The following SLC2A9 variants were observed in gnomAD, a reference collection of about 807,000 sequenced individuals.
The protein encoded by SLC2A9 is solute carrier family 2 member 9.
A neutral mutation model predicts 50.6 loss-of-function variants in SLC2A9; 39 were observed. The observed-to-expected ratio is 0.77, with a 90% CI of 0.60 to 1.01. SLC2A9 has a LOEUF of 1.01. Among genes scored for constraint, SLC2A9 ranks in the 50% least tolerant of loss-of-function variants. The probability of loss-of-function intolerance (pLI) is 0.00; values close to 1 mark genes in which losing one functional copy is unlikely to be tolerated. For synonymous variants in SLC2A9, 324 were observed against 276.9 expected, an observed-to-expected ratio of 1.17 and a Z score of -1.69; for missense variants, 686 against 677.6, an observed-to-expected ratio of 1.01 and a Z score of -0.14.
At chr4:9,787,689 C>T (rs537690112) in intron 3 of SLC2A9, among the ~76,000 whole-genome samples, 1 of 152,320 alleles carries the variant, frequency 6.6e-6, no homozygotes, top group Admixed American at 6.5e-5. Flanking sequence ...GCTGCTTTGT[C>T]TTTCATGACA....
At chr4:9,861,650 T>C (rs1731673515) in intron 10 of SLC2A9, among the ~76,000 whole-genome samples, 1 of 152,154 alleles carries the variant, frequency 6.6e-6, no homozygotes, top group African/African-American at 2.4e-5. Context: ...TCTTGGCATA[T>C]GGGGCCTCTA....
intron 8 of SLC2A9, among the ~76,000 whole-genome samples, chr4:9,897,759 G>A (rs1738832613): frequency 6.6e-6 from 1 of 152,082 alleles, no homozygotes; most frequent in African/African-American, 2.4e-5. Flanking sequence ...GTGTGGTGGT[G>A]CATGCCTGTA....
intron 8 of SLC2A9, among the ~76,000 whole-genome samples, chr4:9,895,182 T>C (rs1183918287): frequency 6.6e-6 from 1 of 152,166 alleles, no homozygotes; most frequent in African/African-American, 2.4e-5. Context: ...TTGTTTCGTT[T>C]CCCTAAAGTC....
At chr4:9,825,363 G>A (rs1212168810), downstream of SLC2A9, among the ~76,000 whole-genome samples, 1 of 152,166 alleles carries the variant, frequency 6.6e-6, no homozygotes, top group Non-Finnish European at 1.5e-5. Context: ...GTCAAGATGA[G>A]TAATCACCCA....
chr4:9,932,552 G>C (rs1746340025), intron 6 of SLC2A9, among the ~76,000 whole-genome samples: 1 of 152,236 alleles, frequency 6.6e-6, no homozygotes, highest in Non-Finnish European at 1.5e-5. Flanking sequence ...AGCTATGGCA[G>C]CTGGGGGAGA....
Position 9,875,324 on chromosome 4 carries a change from T to C in SLC2A9, c.1291+12243A>G, listed in dbSNP as rs371412475. Among the ~76,000 whole-genome samples, 10 of 147,150 alleles carry C rather than the reference T, an allele frequency of 6.8e-5. No individual in the cohort carries two copies. The East Asian group carries it at 1.6e-3, about 24-fold the overall frequency. ...GATGCTGTGTCTTTAGAAATGGCCA[T>C]AGGTTACTCTCTGTCTAAGATGGGA... On this transcript the variant is annotated intron_variant, in intron 10 of 11. Transcript: ENST00000264784.
rs149304627 is a variant in SLC2A9, at chr4:9,782,539, C to A, written n.386-2474G>T. 1.4e-5 allele frequency: 23 copies of A among 1,613,906 alleles called. No homozygotes were observed. In the African/African-American group the frequency reaches 2.8e-4, roughly 20 times the overall value. On this transcript the variant is annotated intron_variant and non_coding_transcript_variant, in intron 3 of 3. Transcript: ENST00000503803. ...GCCTGGCATGGACCTTGTCCATCCT[C>A]ATCTCCTTCATTCCGGTCCAGCTCA... is the stretch of plus-strand genomic sequence containing the variant.
intron 2 of SLC2A9, among the ~76,000 whole-genome samples, chr4:10,010,168 A>T (rs1391928239): frequency 1.3e-5 from 2 of 152,190 alleles, no homozygotes; most frequent in Non-Finnish European, 1.5e-5. Flanking sequence ...ATGGCCAATG[A>T]TTTGATCAAT....
At chr4:9,771,465 C>T (rs1459654918) in intron 1 of SLC2A9, 1 of 398,810 alleles carries the variant, frequency 2.5e-6, no homozygotes, top group Non-Finnish European at 4.4e-6. Flanking sequence ...TTTTCCAGAA[C>T]TCAGCCAGTA....
intron 10 of SLC2A9, among the ~76,000 whole-genome samples, chr4:9,881,077 T>C (rs1160591969): frequency 6.6e-6 from 1 of 152,250 alleles, no homozygotes; most frequent in Admixed American, 6.5e-5. Context: ...GAGTGGTTCC[T>C]GACGAGCACT....
At chr4:9,933,120 G>A (rs737267) in intron 6 of SLC2A9, among the ~76,000 whole-genome samples, 32 of 152,042 alleles carry the variant, frequency 2.1e-4, no homozygotes, top group Non-Finnish European at 1.9e-4. Flanking sequence ...ATCAAAACTG[G>A]CTCTGTAAGA....
chr4:9,931,962 C>CTCTCTATA (rs1560329576), intron 6 of SLC2A9, among the ~76,000 whole-genome samples: 3 of 14,578 alleles, frequency 2.1e-4, no homozygotes, highest in African/African-American at 3.8e-4. Flanking sequence ...CTCTCTCTCT[C>CTCTCTATA]TATATATATA....
intron 3 of SLC2A9, among the ~76,000 whole-genome samples, chr4:9,801,446 CT>C (rs1721391777): frequency 6.6e-6 from 1 of 152,210 alleles, no homozygotes; most frequent in African/African-American, 2.4e-5. Context: ...TGTTTTTGAG[CT>C]GGTTTACACA....
At chr4:9,879,371 T>G (rs2109610787) in intron 10 of SLC2A9, 1 of 979,154 alleles carries the variant, frequency 1.0e-6, no homozygotes, top group South Asian at 4.7e-5. Context: ...TGTGTGTGTA[T>G]TTATGTGTGT....
At chr4:9,959,853 G>A (rs572890426) in intron 5 of SLC2A9, among the ~76,000 whole-genome samples, 37 of 152,254 alleles carry the variant, frequency 2.4e-4, no homozygotes, top group Non-Finnish European at 4.6e-4. Flanking sequence ...TGTATCCTGG[G>A]CCTAAGAAAC....
rs922073680 is a variant in SLC2A9, at chr4:9,874,768, C to A, written c.1291+12799G>T. Reference sequence around the variant, plus strand: ...ACAGGTTAGTGTCTAAGGTGGGATGCTGTGTCTTTAGAAATGGCCATAAGT... The same window carrying A: ...ACAGGTTAGTGTCTAAGGTGGGATGATGTGTCTTTAGAAATGGCCATAAGT... On this transcript the variant is annotated intron_variant, in intron 10 of 11. Coordinates refer to ENST00000264784, the MANE Select transcript of SLC2A9 (RefSeq NM_020041.3). Among the ~76,000 whole-genome samples, 4 of 152,228 alleles carry A rather than the reference C, an allele frequency of 2.6e-5. No homozygotes were observed. In the South Asian group the frequency reaches 6.2e-4, roughly 24 times the overall value.
chr4:9,925,693 T>C (rs191049909), intron 6 of SLC2A9, among the ~76,000 whole-genome samples: 22 of 152,184 alleles, frequency 1.4e-4, no homozygotes, highest in Non-Finnish European at 3.1e-4. Context: ...GAGCCTTGCA[T>C]AGAATGTACA....
intron 6 of SLC2A9, among the ~76,000 whole-genome samples, chr4:9,936,709 T>C (rs1470284085): frequency 2.0e-5 from 3 of 151,800 alleles, no homozygotes; most frequent in African/African-American, 7.3e-5. Context: ...TCCAGGGGCA[T>C]CTAAGAAAGC....
chr4:9,919,157 T>C (rs536396728), intron 7 of SLC2A9, among the ~76,000 whole-genome samples: 2 of 152,240 alleles, frequency 1.3e-5, no homozygotes, highest in African/African-American at 4.8e-5. Flanking sequence ...CTCTACTCTC[T>C]GAGAACAAGC....
Sources: gnomAD v4.1 joint callset for allele counts (sites outside exome capture counted in the v4.1 genomes callset) on GRCh38, gnomAD v4.1.1 for gene constraint, MANE v1.5 for transcripts, NCBI Gene and HGNC (gene_info 2026-07-23, HGNC 2026-07-21) for gene names.